Variants in CCDC192 observed in about 807,000 individuals in gnomAD.
CCDC192 encodes the protein coiled-coil domain-containing protein 192.
intron 3 of CCDC192, among the ~76,000 whole-genome samples, chr5:127,783,531 G>A (rs1756362946): frequency 6.6e-6 from 1 of 152,124 alleles, no homozygotes; most frequent in South Asian, 2.1e-4. Context: ...GGCTCATTTT[G>A]TGGCCTATTA....
At chr5:127,818,423 A>G (rs1299463185) in intron 5 of CCDC192, among the ~76,000 whole-genome samples, 1 of 152,150 alleles carries the variant, frequency 6.6e-6, no homozygotes, top group Non-Finnish European at 1.5e-5. Context: ...GACATCCAAA[A>G]TTCTATTGAT....
intron 2 of CCDC192, among the ~76,000 whole-genome samples, chr5:127,741,543 T>G (rs527459927): frequency 1.6e-4 from 24 of 152,152 alleles, no homozygotes; most frequent in Non-Finnish European, 3.1e-4. Flanking sequence ...TGCACATACT[T>G]TTTTTGATAA....
chr5:127,927,660 A>C (rs1753899854), intron 6 of CCDC192, among the ~76,000 whole-genome samples: 2 of 152,162 alleles, frequency 1.3e-5, no homozygotes, highest in South Asian at 4.1e-4. Flanking sequence ...AAGAAGAGGG[A>C]ACTATAATGG....
chr5:127,886,163 A>G (rs1752552833), intron 6 of CCDC192, among the ~76,000 whole-genome samples: 1 of 152,174 alleles, frequency 6.6e-6, no homozygotes, highest in African/African-American at 2.4e-5. Flanking sequence ...TTTTCCACTA[A>G]GACCTGGAAG....
At chr5:127,891,895 A>G (rs905994418) in intron 6 of CCDC192, among the ~76,000 whole-genome samples, 2 of 152,124 alleles carry the variant, frequency 1.3e-5, no homozygotes, top group African/African-American at 4.8e-5. Context: ...TTACCTAACA[A>G]TTTTTGTCCA....
At chr5:127,789,278 G>T (rs1445890799) in intron 3 of CCDC192, among the ~76,000 whole-genome samples, 2 of 152,226 alleles carry the variant, frequency 1.3e-5, no homozygotes, top group African/African-American at 2.4e-5. Context: ...ATCTGGTGAG[G>T]CCTGACCAAA....
chr5:127,833,362 G>A (rs1749888574), intron 5 of CCDC192, among the ~76,000 whole-genome samples: 1 of 152,008 alleles, frequency 6.6e-6, no homozygotes, highest in Admixed American at 6.6e-5. Flanking sequence ...TTGTCCAATG[G>A]TGGGCACATG....
At chr5:127,925,006 T>C (rs1018283569) in intron 6 of CCDC192, among the ~76,000 whole-genome samples, 1 of 152,226 alleles carries the variant, frequency 6.6e-6, no homozygotes, top group African/African-American at 2.4e-5. Flanking sequence ...TTTTGATTTA[T>C]GTACAATACA....
intron 5 of CCDC192, among the ~76,000 whole-genome samples, chr5:127,861,354 A>T (rs1382929639): frequency 7.4e-6 from 1 of 134,722 alleles, no homozygotes; most frequent in Non-Finnish European, 1.6e-5. Context: ...ATTTTAAGCT[A>T]AAAAAAAAAA....
At chr5:127,917,332 T>A (rs1753551665) in intron 6 of CCDC192, among the ~76,000 whole-genome samples, 1 of 152,214 alleles carries the variant, frequency 6.6e-6, no homozygotes, top group Non-Finnish European at 1.5e-5. Flanking sequence ...TTCTTATCAT[T>A]TATGTTTTCA....
At position 127,798,160 on chromosome 5, in the gene CCDC192, C is replaced by T. The variant is rs1293682389; in HGVS notation, c.409C>T (p.Gln137Ter). ...VKASQEQLIAQKLKHEKKVKK... is the reference protein window; with the variant it reads ...VKASQEQLIA The stretch of plus-strand genomic sequence containing the variant: ...AGCTTCCCAGGAGCAACTTATAGCC[C>T]AGGTAAGTGTTTTCCTCCTTTTTTC... Residue 137 changes from glutamine to a stop codon, truncating the protein, a stop_gained and splice_region_variant, in exon 5 of 7, where the codon CAG (glutamine) becomes TAG (stop). Transcript: ENST00000514853. LOFTEE classifies it high-confidence loss of function. 1 of 398,224 alleles carries T rather than the reference C, an allele frequency of 2.5e-6. No homozygotes were observed. Among genetic ancestry groups the T allele is most frequent in the Non-Finnish European group, 4.4e-6 (1 of 225,604 alleles). The allele number at this position is 398,224 out of a possible 1,614,324, so 24.7% of individuals were successfully genotyped here. A position where few individuals can be genotyped will look rare whatever the true frequency, so the allele number is the denominator to read the frequency against.
At chr5:127,904,566 G>A (rs981714897) in intron 6 of CCDC192, among the ~76,000 whole-genome samples, 1 of 141,778 alleles carries the variant, frequency 7.1e-6, no homozygotes, top group Non-Finnish European at 1.5e-5. Flanking sequence ...GAAGTGGCAT[G>A]ATCTCGGCTC....
At chr5:127,840,624 G>T (rs544239218) in intron 5 of CCDC192, among the ~76,000 whole-genome samples, 346 of 152,146 alleles carry the variant, frequency 2.3e-3, no homozygotes, top group African/African-American at 8.0e-3. Flanking sequence ...TTATTAAATT[G>T]TTAAATTATT....
At chr5:127,934,982 C>G (rs925046339) in intron 6 of CCDC192, among the ~76,000 whole-genome samples, 1 of 152,126 alleles carries the variant, frequency 6.6e-6, no homozygotes, top group Non-Finnish European at 1.5e-5. Flanking sequence ...CTGGGTGGCT[C>G]TGGTGGAATG....
At chr5:127,870,015 G>T (rs1751779808) in intron 5 of CCDC192, among the ~76,000 whole-genome samples, 1 of 152,156 alleles carries the variant, frequency 6.6e-6, no homozygotes, top group African/African-American at 2.4e-5. Flanking sequence ...AAGGGTTTGT[G>T]TATCAACTAG....
chr5:127,748,912 C>G (rs1226701894), intron 2 of CCDC192, among the ~76,000 whole-genome samples: 1 of 151,504 alleles, frequency 6.6e-6, no homozygotes, highest in Non-Finnish European at 1.5e-5. Flanking sequence ...CTCTGTTTGT[C>G]TGTTGTTGGT....
In CCDC192 at chr5:127,807,959, T is replaced by C. The variant is rs573369549; in HGVS notation, c.411+9797T>C. Among the ~76,000 whole-genome samples, 11 of 152,166 alleles carry C rather than the reference T, an allele frequency of 7.2e-5. No individual in the cohort carries two copies. In the East Asian group the frequency reaches 2.1e-3, roughly 29 times the overall value. ...AGGGGGTAGTCTGATGTTCATGACG[T>C]ACTGTGGGAGGATTTTATAAGAAAC... On this transcript the variant is annotated intron_variant, in intron 5 of 6. Transcript: ENST00000514853.
chr5:127,722,849 G>GA (rs1752103665), intron 2 of CCDC192, among the ~76,000 whole-genome samples: 1 of 152,068 alleles, frequency 6.6e-6, no homozygotes. Flanking sequence ...ATGCTGTTTT[G>GA]GTTACTATAG....
intron 6 of CCDC192, among the ~76,000 whole-genome samples, chr5:127,900,840 A>C (rs1753017820): frequency 6.6e-6 from 1 of 152,206 alleles, no homozygotes; most frequent in Non-Finnish European, 1.5e-5. Flanking sequence ...TTAAAGCAGT[A>C]CTGTATAAAC....
Sources: gnomAD v4.1 joint callset for allele counts (sites outside exome capture counted in the v4.1 genomes callset) on GRCh38, gnomAD v4.1.1 for gene constraint, MANE v1.5 for transcripts, NCBI Gene and HGNC (gene_info 2026-07-23, HGNC 2026-07-21) for gene names.